Variants in SEMA7A observed in about 807,000 individuals in gnomAD.
SEMA7A encodes semaphorin-7A.
Under a neutral mutation model 67.5 loss-of-function variants are expected in SEMA7A, and 21 were observed. The ratio of observed to expected loss-of-function variants is 0.31; its 90% CI spans 0.22 to 0.45. The LOEUF (loss-of-function observed/expected upper bound fraction) is 0.45, where lower values mean the gene tolerates loss of function less well. Among genes scored for constraint, SEMA7A ranks in the 20% least tolerant of loss-of-function variants. The pLI is 1.00. For synonymous variants in SEMA7A, 364 were observed against 368.5 expected, an observed-to-expected ratio of 0.99 and a Z score of 0.14; for missense variants, 774 against 908.6, an observed-to-expected ratio of 0.85 and a Z score of 1.90.
chr15:74,410,752 G>C lies in SEMA7A; in HGVS notation c.1873C>G (p.Gln625Glu), dbSNP rs764538817. The C allele has an allele frequency of 1.9e-5, 31 of 1,613,994 alleles. No individual in the cohort carries two copies. The highest frequency in any genetic ancestry group is 2.5e-5 in the Non-Finnish European group (30 of 1,180,042). The change falls in exon 14 of 14, where the codon CAG (glutamine) becomes GAG (glutamate). Residue 625 changes from glutamine to glutamate, a missense_variant. By Grantham distance (29) the Gln-to-Glu change is conservative. Coordinates refer to ENST00000261918, the MANE Select transcript of SEMA7A (RefSeq NM_003612.5). The surrounding 1 kb of genome is among the most constrained non-coding windows in gnomAD (Gnocchi z 7.5). ...TCCTCGGGCAGCAGCTGCCAGTGCT[G>C]AGCCTCGCGGAAGTAGGAGCCCTCC... ...AQEGSYFREA[Q>E]HWQLLPEDGI... is the part of the protein sequence containing the mutation.
intron 1 of SEMA7A, among the ~76,000 whole-genome samples, chr15:74,429,637 C>G (rs1017755856): frequency 2.0e-5 from 3 of 152,250 alleles, no homozygotes; most frequent in Admixed American, 6.5e-5. Context: ...CTGCCTGCCA[C>G]GGCCCTTCTC....
intron 2 of SEMA7A, among the ~76,000 whole-genome samples, 176 bp downstream of exon 2, chr15:74,418,625 C>A (rs1400339600): frequency 6.6e-6 from 1 of 152,204 alleles, no homozygotes; most frequent in East Asian, 1.9e-4. Flanking sequence ...GCCCCAGCTC[C>A]CCACTCCAAT....
Position 74,414,893 on chromosome 15 carries a change from C to G in SEMA7A, c.1040G>C (p.Arg347Pro). ...GTGGTAGCCCTTGAGTGAGGAGGTA[C>G]GGAAGACCTTGTCAATGTCACCGAG... ...YSLGDIDKVF[R>P]TSSLKGYHSS... is the part of the protein sequence containing the mutation. Residue 347 changes from arginine (R) to proline (P), a missense_variant, in exon 9 of 14, where the codon CGT becomes CCT. Coordinates refer to ENST00000261918, the MANE Select transcript of SEMA7A (RefSeq NM_003612.5). The surrounding 1 kb of genome is among the most constrained non-coding windows in gnomAD (Gnocchi z 4.1). 2 of 1,614,178 alleles carry G rather than the reference C, an allele frequency of 1.2e-6. No individual in the cohort carries two copies. Among genetic ancestry groups the G allele is most frequent in the Non-Finnish European group, 1.7e-6 (2 of 1,180,026 alleles).
intron 1 of SEMA7A, among the ~76,000 whole-genome samples, chr15:74,428,812 G>A (rs766896590): frequency 6.6e-6 from 1 of 152,232 alleles, no homozygotes; most frequent in Non-Finnish European, 1.5e-5. Context: ...CAGGGCCAGG[G>A]AGAATAAAGG....
At chr15:74,429,502 A>G (rs1488429296) in intron 1 of SEMA7A, among the ~76,000 whole-genome samples, 1 of 152,138 alleles carries the variant, frequency 6.6e-6, no homozygotes, top group East Asian at 1.9e-4. Flanking sequence ...AGACCTTCTC[A>G]CCTGGAGACT....
intron 1 of SEMA7A, among the ~76,000 whole-genome samples, chr15:74,425,530 G>T (rs904698943): frequency 6.6e-6 from 1 of 152,156 alleles, no homozygotes; most frequent in Admixed American, 6.5e-5. Context: ...AAAGCCTACC[G>T]AGGGTGAGGC....
intron 1 of SEMA7A, chr15:74,427,343 G>C: frequency 2.0e-6 from 2 of 985,436 alleles, no homozygotes; most frequent in Non-Finnish European, 2.4e-6. Flanking sequence ...TCCCATGCCA[G>C]AGGGACAGGT....
intron 3 of SEMA7A, 27 bp from the exon 4 acceptor site, chr15:74,417,996 G>A (rs773512460): frequency 1.2e-6 from 2 of 1,609,620 alleles, no homozygotes; most frequent in African/African-American, 1.3e-5. Flanking sequence ...GAAGGGAGGA[G>A]AGAAATTGGT....
At position 74,411,056 on chromosome 15, in the gene SEMA7A, C is replaced by A. The variant is rs569466864; in HGVS notation, c.1640-71G>T. 3.9e-6 allele frequency: 6 copies of A among 1,536,800 alleles called. No homozygotes were observed. The African/African-American group carries it at 4.1e-5, about 11-fold the overall frequency. On this transcript the variant is annotated intron_variant, in intron 13 of 13. Transcript: ENST00000261918. This position sits in a 1 kb window ranked among gnomAD's most constrained non-coding sequence, Gnocchi z 4.4. Reference sequence around the variant, plus strand: ...CCCAGGGGAGGATGTGTCCTCCCCACGGACTGGGATCCCAGGACAAGGCTT... The same window carrying A: ...CCCAGGGGAGGATGTGTCCTCCCCAAGGACTGGGATCCCAGGACAAGGCTT...
Position 74,417,373 on chromosome 15 carries a change from C to A in SEMA7A, c.623G>T (p.Gly208Val), listed in dbSNP as rs766398128. 2.5e-6 allele frequency: 4 copies of A among 1,614,046 alleles called. No individual in the cohort carries two copies. Among genetic ancestry groups the A allele is most frequent in the Non-Finnish European group, 3.4e-6 (4 of 1,180,012 alleles). Residue 208 changes from glycine (G) to valine (V), a missense_variant, in exon 6 of 14, where the codon GGC becomes GTC. This residue lies in a region of SEMA7A where 347 missense variants were observed against 353.2 expected (regional missense o/e 0.98). Transcript: ENST00000261918. ...ATCACTGGTGTACAGCTCACTCTCGCCCCGGATGCGGCGGAACCGAGGGAT... is the reference window on the plus strand; with the variant it reads ...ATCACTGGTGTACAGCTCACTCTCGACCCGGATGCGGCGGAACCGAGGGAT... ...GKIPRFRRIR[G>V]ESELYTSDTV...
intron 2 of SEMA7A, 134 bp downstream of exon 2, chr15:74,418,667 G>A: frequency 1.0e-6 from 1 of 971,556 alleles, no homozygotes; most frequent in Non-Finnish European, 1.5e-6. Context: ...TCCCCCAGGA[G>A]CCATTTATAG....
intron 7 of SEMA7A, among the ~76,000 whole-genome samples, chr15:74,416,331 A>C (rs994525631): frequency 7.3e-5 from 11 of 150,490 alleles, no homozygotes; most frequent in African/African-American, 2.7e-4. Flanking sequence ...ACACACACAC[A>C]CACACACACA....
intron 1 of SEMA7A, among the ~76,000 whole-genome samples, chr15:74,419,743 C>CG (rs947325296): frequency 9.2e-5 from 14 of 152,118 alleles, no homozygotes; most frequent in African/African-American, 3.4e-4. Context: ...GCTAGCTCTC[C>CG]GGGGGGTGAA....
In SEMA7A at chr15:74,414,970, C is replaced by T; in HGVS notation, c.987-24G>A. Reference sequence around the variant, plus strand: ...TCCTGCAGTGACATGGAGACCAGCTCAATGGGGGGCCCAGAACCCACCCAT... The same window carrying T: ...TCCTGCAGTGACATGGAGACCAGCTTAATGGGGGGCCCAGAACCCACCCAT... On this transcript the variant is annotated intron_variant, in intron 8 of 13. Coordinates refer to ENST00000261918, the MANE Select transcript of SEMA7A (RefSeq NM_003612.5). The surrounding 1 kb of genome is among the most constrained non-coding windows in gnomAD (Gnocchi z 4.1). The T allele has an allele frequency of 6.3e-7, 1 of 1,599,174 alleles. No homozygotes were observed. The highest frequency in any genetic ancestry group is 8.6e-7 in the Non-Finnish European group (1 of 1,167,702).
chr15:74,416,062 G>T, intron 7 of SEMA7A, 77 bp from the exon 8 acceptor site: 1 of 1,441,024 alleles, frequency 6.9e-7, no homozygotes. Flanking sequence ...ACCACTGCCA[G>T]CAATATCAAC....
At chr15:74,428,915 G>A (rs1232888986) in intron 1 of SEMA7A, among the ~76,000 whole-genome samples, 1 of 152,222 alleles carries the variant, frequency 6.6e-6, no homozygotes. Flanking sequence ...GTCCTCTGAG[G>A]AGGCAGGGCC....
At position 74,411,834 on chromosome 15, in the gene SEMA7A, C is replaced by T; in HGVS notation, c.1422+51G>A. On this transcript the variant is annotated intron_variant, in intron 11 of 13. Coordinates refer to ENST00000261918, the MANE Select transcript of SEMA7A (RefSeq NM_003612.5). The surrounding 1 kb of genome is among the most constrained non-coding windows in gnomAD (Gnocchi z 4.4). Reference sequence around the variant, plus strand: ...AAATCACATGCAAAGGAGCCCTGTCCTCAGCTGCAGTCACTGCATAGCCCA... The same window carrying T: ...AAATCACATGCAAAGGAGCCCTGTCTTCAGCTGCAGTCACTGCATAGCCCA... The T allele has an allele frequency of 6.2e-7, 1 of 1,609,008 alleles. No individual in the cohort carries two copies. Among genetic ancestry groups the T allele is most frequent in the South Asian group, 1.1e-5 (1 of 90,598 alleles).
At chr15:74,421,499 G>A (rs2060999714) in intron 1 of SEMA7A, among the ~76,000 whole-genome samples, 2 of 152,180 alleles carry the variant, frequency 1.3e-5, no homozygotes, top group African/African-American at 4.8e-5. Flanking sequence ...AAAACGAACA[G>A]GAGCCCAGGA....
intron 10 of SEMA7A, among the ~76,000 whole-genome samples, chr15:74,413,592 G>A (rs2060920366): frequency 6.6e-6 from 1 of 152,202 alleles, no homozygotes; most frequent in African/African-American, 2.4e-5. Flanking sequence ...GCCACTACTG[G>A]AGCCAAGCAA....
Sources: gnomAD v4.1 joint callset for allele counts (sites outside exome capture counted in the v4.1 genomes callset) on GRCh38, gnomAD v4.1.1 for gene constraint, gnomAD v4.1.1 regional missense constraint, Gnocchi (gnomAD v3.1) non-coding constraint, MANE v1.5 for transcripts, NCBI Gene and HGNC (gene_info 2026-07-23, HGNC 2026-07-21) for gene names.